GLRB: variants seen among roughly 807,000 people sequenced by gnomAD.
GLRB encodes glycine receptor subunit beta.
Under a neutral mutation model 54.2 loss-of-function variants are expected in GLRB, and 33 were observed. The observed-to-expected ratio is 0.61, with a 90% CI of 0.46 to 0.81. GLRB has a LOEUF of 0.81. Among genes scored for constraint, GLRB ranks in the 40% least tolerant of loss-of-function variants. GLRB has a pLI of 0.00. For missense variants in GLRB, 572 were observed against 584.6 expected, an observed-to-expected ratio of 0.98 and a Z score of 0.22; for synonymous variants, 209 against 208.2, an observed-to-expected ratio of 1.00 and a Z score of -0.03.
chr4:157,103,157 CA>C (rs1436563927), intron 2 of GLRB, among the ~76,000 whole-genome samples: 355 of 104,502 alleles, frequency 3.4e-3, no homozygotes, highest in East Asian at 4.8e-3. Flanking sequence ...CTCAAAAAAA[CA>C]AAAAAAAAAA....
intron 2 of GLRB, among the ~76,000 whole-genome samples, chr4:157,086,766 G>A (rs1579184352): frequency 6.6e-6 from 1 of 152,110 alleles, no homozygotes; most frequent in East Asian, 1.9e-4. Flanking sequence ...CTTTGTTGCT[G>A]GAGTGACTGA....
In GLRB at chr4:157,078,126, G is replaced by C; in HGVS notation, c.102G>C (p.Lys34Asn). The C allele has an allele frequency of 6.2e-7, 1 of 1,612,296 alleles. No homozygotes were observed. Among genetic ancestry groups the C allele is most frequent in the Non-Finnish European group, 8.5e-7 (1 of 1,178,614 alleles). The change falls in exon 2 of 10, where the codon AAG (lysine) becomes AAC (asparagine). Residue 34 changes from lysine to asparagine, a missense_variant. Lys to Asn is a moderately conservative substitution (Grantham distance 94). Coordinates refer to ENST00000264428, the MANE Select transcript of GLRB (RefSeq NM_000824.5). ...CTTCAAAGAAAGGGAAGGGGAAAAA[G>C]AAGCAGTATCTATGCCCATCGTATG... is the stretch of plus-strand genomic sequence containing the variant. ...EKSSKKGKGK[K>N]KQYLCPSQQS...
chr4:157,083,319 G>C (rs1189009772), intron 2 of GLRB, among the ~76,000 whole-genome samples: 1 of 152,074 alleles, frequency 6.6e-6, no homozygotes, highest in Non-Finnish European at 1.5e-5. Context: ...AGTAGACTTT[G>C]TTGCTTGGCA....
intron 4 of GLRB, among the ~76,000 whole-genome samples, chr4:157,131,507 A>C (rs1223267431): frequency 6.6e-6 from 1 of 151,732 alleles, no homozygotes; most frequent in East Asian, 1.9e-4. Flanking sequence ...CAAATGTATA[A>C]TGATATATAT....
At chr4:157,163,323 G>A (rs180674448) in intron 9 of GLRB, among the ~76,000 whole-genome samples, 38 of 152,096 alleles carry the variant, frequency 2.5e-4, no homozygotes, top group East Asian at 1.9e-4. Context: ...GGGCTGCACC[G>A]ACAGTCAGAC....
intron 2 of GLRB, among the ~76,000 whole-genome samples, chr4:157,114,634 G>C (rs1208611432): frequency 6.6e-6 from 1 of 151,626 alleles, no homozygotes; most frequent in African/African-American, 2.4e-5. Context: ...ATGCCTTCTT[G>C]TGCTTCTCTT....
intron 2 of GLRB, among the ~76,000 whole-genome samples, chr4:157,086,403 TA>T (rs1431008012): frequency 6.6e-6 from 1 of 152,156 alleles, no homozygotes; most frequent in African/African-American, 2.4e-5. Flanking sequence ...TGTTTAGAAA[TA>T]AAAAAGTATT....
chr4:157,132,355 T>C (rs1736247759), intron 4 of GLRB, among the ~76,000 whole-genome samples: 1 of 151,842 alleles, frequency 6.6e-6, no homozygotes, highest in Non-Finnish European at 1.5e-5. Flanking sequence ...CTGAATTATT[T>C]GGGCCATTTT....
intron 4 of GLRB, among the ~76,000 whole-genome samples, chr4:157,127,025 A>C (rs556353660): frequency 1.7e-3 from 262 of 151,566 alleles, no homozygotes; most frequent in African/African-American, 6.0e-3. Flanking sequence ...ATAGATTGCA[A>C]CTCCTTTTGG....
intron 8 of GLRB, among the ~76,000 whole-genome samples, chr4:157,148,762 G>T (rs539827930): frequency 1.3e-5 from 2 of 152,070 alleles, no homozygotes; most frequent in African/African-American, 4.8e-5. Context: ...GCCCATTCTA[G>T]CATATGCCTC....
chr4:157,152,679 G>A (rs1737067316), intron 8 of GLRB, 39 bp from the exon 9 acceptor site: 1 of 1,556,034 alleles, frequency 6.4e-7, no homozygotes, highest in Non-Finnish European at 8.9e-7. Context: ...ATCTCATAGG[G>A]ATAAAAAGCA....
intron 9 of GLRB, among the ~76,000 whole-genome samples, chr4:157,154,296 TTA>T (rs1420549917): frequency 6.6e-6 from 1 of 152,214 alleles, no homozygotes; most frequent in Admixed American, 6.5e-5. Context: ...TGCCATTCTC[TTA>T]TGTTTGAATT....
intron 2 of GLRB, among the ~76,000 whole-genome samples, chr4:157,094,829 C>T (rs891656013): frequency 6.6e-6 from 1 of 152,160 alleles, no homozygotes; most frequent in African/African-American, 2.4e-5. Flanking sequence ...TCCATATACT[C>T]TATGAACCAG....
intron 4 of GLRB, among the ~76,000 whole-genome samples, chr4:157,126,403 C>T (rs1736017306): frequency 6.6e-6 from 1 of 151,610 alleles, no homozygotes; most frequent in Non-Finnish European, 1.5e-5. Flanking sequence ...CATTGTGAAG[C>T]TTTATAGTTC....
chr4:157,156,539 C>T (rs1224690600), intron 9 of GLRB, among the ~76,000 whole-genome samples: 1 of 152,138 alleles, frequency 6.6e-6, no homozygotes, highest in Non-Finnish European at 1.5e-5. Context: ...ATTTCTTTCT[C>T]TTACCTGGTT....
intron 9 of GLRB, among the ~76,000 whole-genome samples, chr4:157,160,035 T>C (rs906755032): frequency 2.0e-5 from 3 of 152,212 alleles, no homozygotes; most frequent in African/African-American, 7.2e-5. Flanking sequence ...TATTCAGGGA[T>C]TCAACTTCTT....
At chr4:157,169,208 A>G (rs1687448087) in intron 9 of GLRB, among the ~76,000 whole-genome samples, 1 of 152,128 alleles carries the variant, frequency 6.6e-6, no homozygotes, top group Admixed American at 6.5e-5. Context: ...ATAATATACA[A>G]TTAAATGGTT....
intron 2 of GLRB, among the ~76,000 whole-genome samples, chr4:157,082,964 T>TTATATATATATATATATATA (rs58330518): frequency 2.1e-4 from 29 of 139,650 alleles, no homozygotes; most frequent in African/African-American, 6.8e-4. Flanking sequence ...GAATAGTGTT[T>TTATATATATATATATATATA]TATATATATA....
At chr4:157,119,459 G>A (rs1190039387) in intron 2 of GLRB, among the ~76,000 whole-genome samples, 1 of 151,440 alleles carries the variant, frequency 6.6e-6, no homozygotes, top group Non-Finnish European at 1.5e-5. Context: ...TTCTCATTGT[G>A]TGCACTCCCT....
Sources: allele counts gnomAD v4.1 joint callset (sites outside exome capture counted in the v4.1 genomes callset), GRCh38; gene constraint gnomAD v4.1.1; transcripts MANE v1.5; gene names NCBI Gene and HGNC (gene_info 2026-07-23, HGNC 2026-07-21).